Variants in SLC30A8 observed in about 807,000 individuals in gnomAD.
SLC30A8 encodes solute carrier family 30 member 8, also known as proton-coupled zinc antiporter SLC30A8.
SLC30A8 carries 27 observed loss-of-function variants against 36.9 expected under a neutral mutation model. The observed-to-expected ratio is 0.73, with a 90% CI of 0.54 to 1.01. The LOEUF is 1.01. SLC30A8 is among the 50% of genes least tolerant of loss of function. The pLI is 0.00. For synonymous variants in SLC30A8, 164 were observed against 172.4 expected, an observed-to-expected ratio of 0.95 and a Z score of 0.38; for missense variants, 439 against 452.0, an observed-to-expected ratio of 0.97 and a Z score of 0.26.
intron 1 of SLC30A8, chr8:117,039,115 G>A (rs751423891): frequency 1.3e-5 from 2 of 152,212 alleles, no homozygotes; most frequent in Middle Eastern, 3.4e-3. Flanking sequence ...ACAGTCTTGT[G>A]CACCTACTGC....
At chr8:117,086,467 T>G (rs1488249421) in intron 2 of SLC30A8, among the ~76,000 whole-genome samples, 1 of 152,172 alleles carries the variant, frequency 6.6e-6, no homozygotes, top group African/African-American at 2.4e-5. Flanking sequence ...ACAATATATT[T>G]TTCAAAAAGA....
intron 2 of SLC30A8, among the ~76,000 whole-genome samples, chr8:117,074,175 T>TTTAAG (rs139051616): frequency 0.06 from 9,096 of 152,162 alleles, 305 homozygotes; most frequent in East Asian, 0.12. Context: ...TTTGTGTGTG[T>TTTAAG]TTGTTATGAT....
intron 2 of SLC30A8, chr8:117,055,785 G>A (rs1209500425): frequency 6.6e-6 from 1 of 152,202 alleles, no homozygotes; most frequent in Non-Finnish European, 1.5e-5. Context: ...ACAGTTCCAA[G>A]TGTAAGGCCT....
intron 6 of SLC30A8, among the ~76,000 whole-genome samples, chr8:117,164,655 T>C (rs1425772480): frequency 2.0e-5 from 3 of 152,028 alleles, no homozygotes; most frequent in African/African-American, 7.3e-5. Flanking sequence ...ATTCAAAAAA[T>C]TACACAGAAA....
At chr8:117,165,768 T>C (rs530684483) in intron 6 of SLC30A8, among the ~76,000 whole-genome samples, 3 of 152,162 alleles carry the variant, frequency 2.0e-5, no homozygotes, top group Non-Finnish European at 4.4e-5. Context: ...GAAAATGCAG[T>C]GTATATACAC....
At chr8:117,039,295 A>G (rs949692444) in intron 2 of SLC30A8, 1 of 152,174 alleles carries the variant, frequency 6.6e-6, no homozygotes, top group African/African-American at 2.4e-5. Flanking sequence ...TGAGAGGGAG[A>G]TCAATATGTA....
intron 1 of SLC30A8, among the ~76,000 whole-genome samples, chr8:117,137,541 G>A (rs985816633): frequency 2.0e-5 from 3 of 152,012 alleles, no homozygotes; most frequent in African/African-American, 7.2e-5. Flanking sequence ...ATGTGAATTA[G>A]TTGGAATAGA....
chr8:117,169,540 C>T (rs892526368), intron 6 of SLC30A8, among the ~76,000 whole-genome samples: 1 of 152,116 alleles, frequency 6.6e-6, no homozygotes, highest in Non-Finnish European at 1.5e-5. Flanking sequence ...TCAGGCCTCC[C>T]ATACCCAGTG....
At chr8:117,037,385 G>T (rs1817247591) in intron 1 of SLC30A8, among the ~76,000 whole-genome samples, 2 of 152,142 alleles carry the variant, frequency 1.3e-5, no homozygotes, top group Admixed American at 1.3e-4. Flanking sequence ...GACTAACTGT[G>T]GAATCCTAGC....
intron 2 of SLC30A8, among the ~76,000 whole-genome samples, chr8:117,057,441 A>G (rs1817906991): frequency 6.6e-6 from 1 of 152,092 alleles, no homozygotes; most frequent in Non-Finnish European, 1.5e-5. Flanking sequence ...AGATGAATAA[A>G]TTCTTGAGAC....
chr8:117,097,272 G>T (rs1228740125), intron 2 of SLC30A8, among the ~76,000 whole-genome samples: 1 of 147,744 alleles, frequency 6.8e-6, no homozygotes, highest in Non-Finnish European at 1.5e-5. Context: ...GGTGGCAGGC[G>T]CCTGTAGTCC....
chr8:117,091,321 C>T (rs1025818198), intron 2 of SLC30A8, among the ~76,000 whole-genome samples: 2 of 152,162 alleles, frequency 1.3e-5, no homozygotes, highest in Admixed American at 6.5e-5. Context: ...TAATTTTGTA[C>T]ACACTGAAGA....
At chr8:117,099,595 G>C (rs1246374109) in intron 2 of SLC30A8, among the ~76,000 whole-genome samples, 1 of 152,140 alleles carries the variant, frequency 6.6e-6, no homozygotes, top group African/African-American at 2.4e-5. Flanking sequence ...ATCACTTGTG[G>C]TATCTTAAAG....
intron 1 of SLC30A8, among the ~76,000 whole-genome samples, chr8:116,979,273 A>G (rs1264346291): frequency 1.3e-5 from 2 of 151,148 alleles, no homozygotes; most frequent in Non-Finnish European, 3.0e-5. Flanking sequence ...AAGAAAACAA[A>G]TCATAAAGAT....
intron 1 of SLC30A8, among the ~76,000 whole-genome samples, chr8:117,038,747 G>A (rs1298587496): frequency 1.3e-5 from 2 of 152,146 alleles, no homozygotes; most frequent in Admixed American, 6.5e-5. Flanking sequence ...GAGAGTGTTC[G>A]ATGCTCCACA....
intron 1 of SLC30A8, among the ~76,000 whole-genome samples, chr8:116,953,020 C>A (rs1322079663): frequency 6.6e-6 from 1 of 151,046 alleles, no homozygotes; most frequent in Non-Finnish European, 1.5e-5. Context: ...GCTTGCCTCC[C>A]TCCCTTTCTC....
chr8:117,018,404 T>A (rs1023538110), intron 1 of SLC30A8, among the ~76,000 whole-genome samples: 4 of 152,194 alleles, frequency 2.6e-5, no homozygotes, highest in African/African-American at 9.7e-5. Context: ...TTCTTTTTTT[T>A]ACTAAGTCTT....
At chr8:116,996,467 G>T (rs2130675333) in intron 1 of SLC30A8, among the ~76,000 whole-genome samples, 1 of 152,250 alleles carries the variant, frequency 6.6e-6, no homozygotes, top group East Asian at 1.9e-4. Context: ...ATTAACATGT[G>T]TTACCTCACA....
At chr8:117,008,517 C>T (rs1175707952) in intron 1 of SLC30A8, among the ~76,000 whole-genome samples, 2 of 152,152 alleles carry the variant, frequency 1.3e-5, no homozygotes, top group Non-Finnish European at 2.9e-5. Context: ...TCAGAGCAAC[C>T]TCATTCTGTC....
Sources: allele counts gnomAD v4.1 joint callset (sites outside exome capture counted in the v4.1 genomes callset), GRCh38; gene constraint gnomAD v4.1.1; transcripts MANE v1.5; gene names NCBI Gene and HGNC (gene_info 2026-07-23, HGNC 2026-07-21).